ARHGAP6: variants seen among roughly 807,000 people sequenced by gnomAD.
ARHGAP6 encodes the protein rho GTPase-activating protein 6.
A neutral mutation model predicts 55.7 loss-of-function variants in ARHGAP6; 16 were observed. The ratio of observed to expected loss-of-function variants is 0.29; its 90% CI spans 0.19 to 0.44. The LOEUF is 0.44. Ranked by LOEUF, ARHGAP6 falls within the 20% of genes least tolerant of loss-of-function variation. ARHGAP6 has a pLI of 1.00. For synonymous variants in ARHGAP6, 382 were observed against 360.9 expected (o/e 1.06, Z -0.66); for missense variants, 698 against 808.9 (o/e 0.86, Z 1.66).
At chrX:11,546,075 A>G (rs2051209430) in intron 1 of ARHGAP6, among the ~76,000 whole-genome samples, 2 of 111,070 alleles carry the variant, frequency 1.8e-5, no homozygotes, top group Admixed American at 1.9e-4. Context: ...GAAAATTAAG[A>G]AATGAACTAT....
chrX:11,324,906 C>T (rs1049759127), intron 1 of ARHGAP6, among the ~76,000 whole-genome samples: 8 of 112,510 alleles, frequency 7.1e-5, no homozygotes, highest in South Asian at 3.7e-4. Flanking sequence ...GGCCGGACTG[C>T]GGACTGCAGT....
intron 1 of ARHGAP6, among the ~76,000 whole-genome samples, chrX:11,662,269 T>C (rs1223843433): frequency 4.5e-5 from 5 of 111,944 alleles, no homozygotes; most frequent in Non-Finnish European, 9.4e-5. Flanking sequence ...CTTTGAAAGG[T>C]AATCCAGGCC....
chrX:11,515,220 A>C (rs1224942106), intron 1 of ARHGAP6, among the ~76,000 whole-genome samples: 1 of 112,225 alleles, frequency 8.9e-6, no homozygotes, highest in Non-Finnish European at 1.9e-5. Flanking sequence ...TAATTTCCTT[A>C]AAAGCAGGAT....
At chrX:11,590,105 G>A (rs1342118945) in intron 1 of ARHGAP6, among the ~76,000 whole-genome samples, 8 of 111,410 alleles carry the variant, frequency 7.2e-5, no homozygotes, top group Non-Finnish European at 1.1e-4. Flanking sequence ...TGTGTTCTGA[G>A]ATTTCTTATG....
At chrX:11,489,033 A>T (rs1290620197) in intron 1 of ARHGAP6, among the ~76,000 whole-genome samples, 1 of 112,407 alleles carries the variant, frequency 8.9e-6, no homozygotes, top group Non-Finnish European at 1.9e-5. Context: ...GTAGAGTAAG[A>T]CATAACTGTT....
chrX:11,471,813 C>T (rs1468381460), intron 1 of ARHGAP6, among the ~76,000 whole-genome samples: 1 of 111,669 alleles, frequency 9.0e-6, no homozygotes, highest in Non-Finnish European at 1.9e-5. Flanking sequence ...GGGCCTACCT[C>T]AAACTGAGGC....
chrX:11,504,491 C>G (rs2050712713), intron 1 of ARHGAP6, among the ~76,000 whole-genome samples: 1 of 111,841 alleles, frequency 8.9e-6, no homozygotes, highest in South Asian at 3.7e-4. Context: ...AAAATTACCC[C>G]CGTTAAGAAT....
At chrX:11,453,998 C>T (rs1417649095) in intron 1 of ARHGAP6, among the ~76,000 whole-genome samples, 1 of 111,215 alleles carries the variant, frequency 9.0e-6, no homozygotes, top group Non-Finnish European at 1.9e-5. Context: ...GGCTGGAGTG[C>T]AGTGGCACGA....
At chrX:11,296,971 A>G in intron 1 of ARHGAP6, 1 of 869,293 alleles carries the variant, frequency 1.2e-6, no homozygotes, top group Non-Finnish European at 1.7e-6. Context: ...TCCCAGTTTA[A>G]GCTCTGATGG....
chrX:11,420,306 A>C (rs2049805121), intron 1 of ARHGAP6, among the ~76,000 whole-genome samples: 1 of 111,821 alleles, frequency 8.9e-6, no homozygotes, highest in Non-Finnish European at 1.9e-5. Context: ...AATCAGAAAA[A>C]TTGGTCTTTT....
chrX:11,401,333 C>T (rs960005966), intron 1 of ARHGAP6, among the ~76,000 whole-genome samples: 2 of 111,710 alleles, frequency 1.8e-5, no homozygotes, highest in African/African-American at 3.3e-5. Flanking sequence ...AGACAGTCCT[C>T]ATAGCATGGC....
chrX:11,247,487 C>A (rs150081004), intron 2 of ARHGAP6, among the ~76,000 whole-genome samples: 1 of 112,086 alleles, frequency 8.9e-6, no homozygotes, highest in East Asian at 2.8e-4. Context: ...GCAAATTTTT[C>A]CTGTAAAGGG....
chrX:11,262,184 A>T (rs2047570552), intron 1 of ARHGAP6, among the ~76,000 whole-genome samples: 1 of 111,923 alleles, frequency 8.9e-6, no homozygotes, highest in Non-Finnish European at 1.9e-5. Flanking sequence ...TAATAAGTAC[A>T]AACACTACAA....
At chrX:11,285,841 T>G (rs1245784084) in intron 1 of ARHGAP6, among the ~76,000 whole-genome samples, 1 of 112,490 alleles carries the variant, frequency 8.9e-6, no homozygotes, top group African/African-American at 3.2e-5. Context: ...TGTACATATT[T>G]CTAAAGTCCA....
chrX:11,220,633 C>T (rs1602898019), intron 2 of ARHGAP6, among the ~76,000 whole-genome samples: 1 of 110,252 alleles, frequency 9.1e-6, no homozygotes, highest in African/African-American at 3.3e-5. Context: ...CTGAAGGAAG[C>T]ACTAAACATG....
intron 8 of ARHGAP6, among the ~76,000 whole-genome samples, chrX:11,174,641 TTCTTTC>T (rs1339732506): frequency 6.3e-5 from 5 of 79,726 alleles, no homozygotes; most frequent in Non-Finnish European, 9.3e-5. Context: ...CTTTCTTTCT[TTCTTTC>T]TTTCTTTCTT....
At chrX:11,152,196 C>T (rs760391788) in intron 10 of ARHGAP6, among the ~76,000 whole-genome samples, 2 of 111,744 alleles carry the variant, frequency 1.8e-5, no homozygotes, top group Admixed American at 9.5e-5. Flanking sequence ...ACTAATAGAC[C>T]GCATATATAA....
intron 1 of ARHGAP6, among the ~76,000 whole-genome samples, chrX:11,494,690 G>T (rs1054568268): frequency 5.4e-5 from 6 of 112,015 alleles, no homozygotes; most frequent in African/African-American, 1.9e-4. Context: ...GAACCTGAAA[G>T]GAAGTCTGGA....
chrX:11,256,039 G>A (rs2047489984), intron 1 of ARHGAP6, among the ~76,000 whole-genome samples: 1 of 111,061 alleles, frequency 9.0e-6, no homozygotes, highest in African/African-American at 3.3e-5. Context: ...GCCCACGCAG[G>A]GACTCATTGC....
Sources: allele counts gnomAD v4.1 joint callset (sites outside exome capture counted in the v4.1 genomes callset), GRCh38; gene constraint gnomAD v4.1.1; transcripts MANE v1.5; gene names NCBI Gene and HGNC (gene_info 2026-07-23, HGNC 2026-07-21).